Variants in THSD7B observed in about 807,000 individuals in gnomAD.
THSD7B encodes the protein thrombospondin type-1 domain-containing protein 7B.
In THSD7B, 138 loss-of-function variants were observed where a neutral mutation model predicts 213.6. That is an observed-to-expected ratio of 0.65 (90% CI 0.56 to 0.74). The LOEUF is 0.74. Ranked by LOEUF, THSD7B falls within the 30% of genes least tolerant of loss-of-function variation. The pLI, the probability that THSD7B is intolerant of heterozygous loss-of-function variation, is 0.00. For missense variants in THSD7B, 1,931 were observed against 1,991.5 expected (o/e 0.97, Z 0.58); for synonymous variants, 742 against 687.0 (o/e 1.08, Z -1.25).
At chr2:136,892,540 G>T (rs924303726) in intron 2 of THSD7B, among the ~76,000 whole-genome samples, 2 of 149,910 alleles carry the variant, frequency 1.3e-5, no homozygotes, top group South Asian at 4.3e-4. Context: ...GGTCTCGGTG[G>T]AGATGGCTCA....
At chr2:137,401,927 C>T (rs1308689752) in intron 12 of THSD7B, among the ~76,000 whole-genome samples, 1 of 152,208 alleles carries the variant, frequency 6.6e-6, no homozygotes, top group African/African-American at 2.4e-5. Context: ...ACAAATCTAG[C>T]ACCAAATCCG....
chr2:137,092,409 T>A (rs551000371), intron 3 of THSD7B, among the ~76,000 whole-genome samples: 40 of 151,998 alleles, frequency 2.6e-4, no homozygotes, highest in African/African-American at 9.2e-4. Context: ...TGAGATCCTG[T>A]CTCAAAAAAA....
intron 15 of THSD7B, among the ~76,000 whole-genome samples, chr2:137,510,984 G>T (rs961406480): frequency 1.3e-5 from 2 of 152,206 alleles, no homozygotes; most frequent in Admixed American, 6.5e-5. Flanking sequence ...ATTTGGGAAG[G>T]TGTTGCCCAT....
At chr2:137,564,001 G>A (rs1374898090) in intron 16 of THSD7B, among the ~76,000 whole-genome samples, 1 of 152,110 alleles carries the variant, frequency 6.6e-6, no homozygotes, top group Non-Finnish European at 1.5e-5. Context: ...AAAGAAGAAC[G>A]ATGTCCTTAC....
chr2:136,917,763 T>C (rs1012029851), intron 2 of THSD7B, among the ~76,000 whole-genome samples: 2 of 152,246 alleles, frequency 1.3e-5, no homozygotes, highest in Non-Finnish European at 2.9e-5. Flanking sequence ...TGGAGGACTC[T>C]TTATTTTCCA....
intron 12 of THSD7B, among the ~76,000 whole-genome samples, chr2:137,319,123 C>T (rs1018045740): frequency 2.6e-5 from 4 of 151,902 alleles, no homozygotes; most frequent in Non-Finnish European, 5.9e-5. Flanking sequence ...TCTTTCTATA[C>T]TCTCTGCAAC....
At position 137,405,711 on chromosome 2, in the gene THSD7B, C is replaced by T. The variant is rs1459187928; in HGVS notation, c.2599C>T (p.Pro867Ser). 1.2e-6 allele frequency: 2 copies of T among 1,613,630 alleles called. No homozygotes were observed. Among genetic ancestry groups the T allele is most frequent in the African/African-American group, 1.3e-5 (1 of 74,904 alleles). ...MPLLVQECTV[P>S]CREDCTFTAW... ...TCTCCTTGTGCAAGAATGCACAGTC[C>T]CATGTCGAGAAGACTGCACCTTCAC... The change falls in exon 13 of 28, where the codon CCA (proline) becomes TCA (serine). Residue 867 changes from proline to serine, a missense_variant. By Grantham distance (74) the Pro-to-Ser change is moderately conservative. Coordinates refer to ENST00000409968, the MANE Select transcript of THSD7B (RefSeq NM_001316349.2).
intron 12 of THSD7B, among the ~76,000 whole-genome samples, chr2:137,361,736 A>C (rs111648295): frequency 0.028 from 4,206 of 152,298 alleles, 200 homozygotes; most frequent in African/African-American, 0.096. Context: ...GACTACGTGA[A>C]AAGACCAAAT....
intron 2 of THSD7B, among the ~76,000 whole-genome samples, chr2:136,959,381 AGTTACTGAAAC>A (rs1296185517): frequency 6.6e-6 from 1 of 152,212 alleles, no homozygotes; most frequent in Non-Finnish European, 1.5e-5. Flanking sequence ...TGTCAAAGTC[AGTTACTGAAAC>A]TGCACTCATG....
At chr2:136,963,246 G>A (rs1685256053) in intron 2 of THSD7B, among the ~76,000 whole-genome samples, 1 of 152,088 alleles carries the variant, frequency 6.6e-6, no homozygotes, top group African/African-American at 2.4e-5. Flanking sequence ...TCAGTTGAGA[G>A]TAAATTAGTA....
At chr2:136,873,377 G>T (rs1490618724) in intron 1 of THSD7B, among the ~76,000 whole-genome samples, 1 of 152,188 alleles carries the variant, frequency 6.6e-6, no homozygotes, top group Non-Finnish European at 1.5e-5. Flanking sequence ...GCTGAGGTCT[G>T]CAGAGTGAGG....
intron 12 of THSD7B, among the ~76,000 whole-genome samples, chr2:137,316,371 G>A (rs963215675): frequency 6.6e-6 from 1 of 152,196 alleles, no homozygotes. Context: ...TTTACTCCAG[G>A]TTTCCCTGAT....
At chr2:137,342,096 G>A (rs1684774822) in intron 12 of THSD7B, among the ~76,000 whole-genome samples, 1 of 151,264 alleles carries the variant, frequency 6.6e-6, no homozygotes, top group Non-Finnish European at 1.5e-5. Flanking sequence ...GATTACTTTG[G>A]GTAGTGTGGA....
intron 15 of THSD7B, among the ~76,000 whole-genome samples, chr2:137,543,864 C>T (rs984867290): frequency 2.0e-5 from 3 of 150,114 alleles, no homozygotes; most frequent in East Asian, 2.0e-4. Flanking sequence ...CAAAAGGACC[C>T]GAAAAAATGC....
At position 136,994,900 on chromosome 2, in the gene THSD7B, G is replaced by A. The variant is rs183716019; in HGVS notation, c.140-61520G>A. Among the ~76,000 whole-genome samples, 24 of 152,304 alleles carry A rather than the reference G, an allele frequency of 1.6e-4. No individual in the cohort carries two copies. In the East Asian group the frequency reaches 3.3e-3, roughly 21 times the overall value. ...AAAATCGGCATTAACTTGCATTGCT[G>A]TGTGGTAATCCTATTTGAAATGCAG... On this transcript the variant is annotated intron_variant, in intron 2 of 27. Coordinates refer to ENST00000409968, the MANE Select transcript of THSD7B (RefSeq NM_001316349.2).
At chr2:137,673,319 G>C (rs1261002368) in intron 27 of THSD7B, among the ~76,000 whole-genome samples, 1 of 152,188 alleles carries the variant, frequency 6.6e-6, no homozygotes, top group African/African-American at 2.4e-5. Flanking sequence ...ATGGTTTTAT[G>C]CTGTGTGCCA....
intron 2 of THSD7B, among the ~76,000 whole-genome samples, chr2:136,906,936 GTTTTTTTTT>G (rs57887270): frequency 9.1e-5 from 5 of 55,128 alleles, no homozygotes; most frequent in Admixed American, 3.7e-4. Context: ...ACATTTCAAG[GTTTTTTTTT>G]TTTTTTTTTT....
At chr2:137,191,009 C>G (rs977498600) in intron 7 of THSD7B, among the ~76,000 whole-genome samples, 2 of 152,168 alleles carry the variant, frequency 1.3e-5, no homozygotes, top group African/African-American at 4.8e-5. Flanking sequence ...TGCTGACAGG[C>G]GATCACCCAA....
At chr2:136,960,422 A>AAT in intron 2 of THSD7B, among the ~76,000 whole-genome samples, 1 of 152,092 alleles carries the variant, frequency 6.6e-6, no homozygotes, top group Non-Finnish European at 1.5e-5. Flanking sequence ...TACAGGTATG[A>AAT]GCCACTGTGC....
Sources: gnomAD v4.1 joint callset for allele counts (sites outside exome capture counted in the v4.1 genomes callset) on GRCh38, gnomAD v4.1.1 for gene constraint, MANE v1.5 for transcripts, NCBI Gene and HGNC (gene_info 2026-07-23, HGNC 2026-07-21) for gene names.